Variants in PTPRQ observed in about 807,000 individuals in gnomAD.
PTPRQ encodes the protein phosphatidylinositol phosphatase PTPRQ.
Under a neutral mutation model 246.0 loss-of-function variants are expected in PTPRQ, and 199 were observed. The ratio of observed to expected loss-of-function variants is 0.81; its 90% CI spans 0.72 to 0.91. The LOEUF (loss-of-function observed/expected upper bound fraction) is 0.91. PTPRQ is among the 40% of genes least tolerant of loss of function. PTPRQ has a pLI of 0.00. For synonymous variants in PTPRQ, 869 were observed against 853.2 expected, an observed-to-expected ratio of 1.02 and a Z score of -0.32; for missense variants, 2,624 against 2,528.4, an observed-to-expected ratio of 1.04 and a Z score of -0.81.
intron 27 of PTPRQ, among the ~76,000 whole-genome samples, chr12:80,609,147 C>G (rs1368826962): frequency 1.3e-5 from 2 of 148,992 alleles, no homozygotes; most frequent in African/African-American, 4.9e-5. Flanking sequence ...TCTTTTTTTT[C>G]TTTTTTTATA....
chr12:80,463,331 G>T (rs1893268853), intron 6 of PTPRQ, among the ~76,000 whole-genome samples: 1 of 152,154 alleles, frequency 6.6e-6, no homozygotes, highest in Non-Finnish European at 1.5e-5. Flanking sequence ...AGAATAAAAA[G>T]AAATGAACAA....
intron 14 of PTPRQ, among the ~76,000 whole-genome samples, chr12:80,502,918 T>C (rs1894846410): frequency 6.6e-6 from 1 of 151,764 alleles, no homozygotes; most frequent in Non-Finnish European, 1.5e-5. Context: ...TGCATGGAAG[T>C]TGGCCTCTCT....
chr12:80,638,615 T>G (rs896379380), intron 35 of PTPRQ, among the ~76,000 whole-genome samples: 3 of 152,222 alleles, frequency 2.0e-5, no homozygotes, highest in Non-Finnish European at 2.9e-5. Flanking sequence ...AAACCCATTC[T>G]GTAATTTTTG....
chr12:80,657,992 TAAC>T lies in PTPRQ; in HGVS notation c.6125_6127del (p.Asn2042del). The stretch of plus-strand genomic sequence containing the variant: ...CCTTATATTTTCTTCTAGATAATAA[TAAC>T]AGAGTAAAGCTGATAGCTGACGCTA... On this transcript the variant is annotated inframe_deletion, in exon 39 of 45. Coordinates refer to ENST00000644991, the MANE Select transcript of PTPRQ (RefSeq NM_001145026.2). The T allele has an allele frequency of 7.0e-7, 1 of 1,422,820 alleles. No individual in the cohort carries two copies. The highest frequency in any genetic ancestry group is 2.8e-5 in the East Asian group (1 of 35,364). The allele number at this position is 1,422,820 out of a possible 1,614,324, so 88.1% of individuals were successfully genotyped here. A position where few individuals can be genotyped will look rare whatever the true frequency, so the allele number is the denominator to read the frequency against.
At chr12:80,635,968 A>T (rs565201059) in intron 35 of PTPRQ, among the ~76,000 whole-genome samples, 1 of 152,318 alleles carries the variant, frequency 6.6e-6, no homozygotes, top group South Asian at 2.1e-4. Context: ...TGTAGTTGTC[A>T]CTTGTTAAAG....
chr12:80,530,098 C>T (rs1895800027), intron 17 of PTPRQ, among the ~76,000 whole-genome samples: 1 of 152,082 alleles, frequency 6.6e-6, no homozygotes, highest in Non-Finnish European at 1.5e-5. Context: ...CTTCTTCTCC[C>T]ACCTCCCTCA....
At chr12:80,549,988 A>G (rs1336582355) in intron 25 of PTPRQ, among the ~76,000 whole-genome samples, 2 of 152,130 alleles carry the variant, frequency 1.3e-5, no homozygotes, top group Non-Finnish European at 2.9e-5. Flanking sequence ...CCACAAATAT[A>G]AAACCCCCAC....
chr12:80,547,232 T>G (rs1896333717), intron 24 of PTPRQ: 1 of 153,180 alleles, frequency 6.5e-6, no homozygotes, highest in African/African-American at 2.4e-5. Context: ...GTGTCACACA[T>G]GTAGTATACA....
Position 80,632,276 on chromosome 12 carries a change from T to C in PTPRQ, c.5771T>C (p.Ile1924Thr). ...ILSIILLGTAIFAFARIRQKQ... is the reference protein window; with the variant it reads ...ILSIILLGTATFAFARIRQKQ... ...TCAATAATTCTCCTTGGAACAGCTA[T>C]TTTTGCATTTGCAAGGTAAGATTTA... The change falls in exon 34 of 45, where the codon ATT becomes ACT. Residue 1924 changes from isoleucine to threonine, a missense_variant. By Grantham distance (89) the Ile-to-Thr change is moderately conservative. Transcript: ENST00000644991. 1 of 1,551,300 alleles carries C rather than the reference T, an allele frequency of 6.4e-7. No homozygotes were observed. Among genetic ancestry groups the C allele is most frequent in the Non-Finnish European group, 8.7e-7 (1 of 1,146,816 alleles).
intron 26 of PTPRQ, among the ~76,000 whole-genome samples, 193 bp from the exon 27 acceptor site, chr12:80,604,866 A>G (rs1159896901): frequency 6.6e-6 from 1 of 151,554 alleles, no homozygotes; most frequent in East Asian, 1.9e-4. Context: ...GAAGTTGTTC[A>G]TCTAGAGTAA....
At chr12:80,454,814 A>G (rs370835453) in intron 3 of PTPRQ, among the ~76,000 whole-genome samples, 3 of 152,250 alleles carry the variant, frequency 2.0e-5, no homozygotes, top group South Asian at 4.1e-4. Flanking sequence ...AAAAACTTAT[A>G]AAGGCGAAAT....
At chr12:80,522,568 G>A (rs555969278) in intron 17 of PTPRQ, among the ~76,000 whole-genome samples, 10 of 152,152 alleles carry the variant, frequency 6.6e-5, no homozygotes, top group East Asian at 3.9e-4. Context: ...AGTTTTTAAC[G>A]TGAAGGGCTG....
chr12:80,641,884 GCT>G (rs894544128), intron 35 of PTPRQ, among the ~76,000 whole-genome samples: 1 of 139,094 alleles, frequency 7.2e-6, no homozygotes, highest in Non-Finnish European at 1.6e-5. Flanking sequence ...TCTCTCTCTT[GCT>G]CTCTCTCTCT....
chr12:80,607,536 C>T (rs1453851983), intron 27 of PTPRQ, among the ~76,000 whole-genome samples: 1 of 141,184 alleles, frequency 7.1e-6, no homozygotes, highest in Non-Finnish European at 1.6e-5. Flanking sequence ...TTCCAATGTA[C>T]CAGAACTGTG....
intron 35 of PTPRQ, among the ~76,000 whole-genome samples, chr12:80,646,281 A>G (rs1166899233): frequency 6.6e-6 from 1 of 152,214 alleles, no homozygotes; most frequent in African/African-American, 2.4e-5. Flanking sequence ...CAAACTAGGA[A>G]ACTGAGGCAC....
chr12:80,677,351 T>C (rs181748043), intron 43 of PTPRQ, among the ~76,000 whole-genome samples: 111 of 152,330 alleles, frequency 7.3e-4, no homozygotes, highest in Non-Finnish European at 1.4e-3. Flanking sequence ...TTTATTGCTT[T>C]ATAACAACAC....
chr12:80,529,269 C>T (rs1895778186), intron 17 of PTPRQ, among the ~76,000 whole-genome samples: 1 of 152,108 alleles, frequency 6.6e-6, no homozygotes, highest in African/African-American at 2.4e-5. Context: ...TGTTCACATT[C>T]TTCATTTTGG....
At position 80,495,064 on chromosome 12, in the gene PTPRQ, ACAGTTCTCAG is replaced by A. The variant is rs1894570068; in HGVS notation, c.1673_1682del (p.Thr558MetfsTer15). On this transcript the variant is annotated frameshift_variant, in exon 11 of 45. Transcript: ENST00000644991. LOFTEE classifies it high-confidence loss of function. ...CACCATCATGGGAGAAGGACCACCAACAGTTCTCAGTGTTAGGACACGTCAGCAAGGTAAG... is the reference window on the plus strand; with the variant it reads ...CACCATCATGGGAGAAGGACCACCAATGTTAGGACACGTCAGCAAGGTAAG... 13 of 1,550,408 alleles carry A rather than the reference ACAGTTCTCAG, an allele frequency of 8.4e-6. No individual in the cohort carries two copies. The highest frequency in any genetic ancestry group is 7.9e-6 in the Non-Finnish European group (9 of 1,146,242).
intron 17 of PTPRQ, among the ~76,000 whole-genome samples, chr12:80,517,917 T>C (rs1210813589): frequency 6.6e-6 from 1 of 152,214 alleles, no homozygotes; most frequent in Non-Finnish European, 1.5e-5. Flanking sequence ...AAATCTTGGC[T>C]ATTGTGAAGA....
Sources: allele counts gnomAD v4.1 joint callset (sites outside exome capture counted in the v4.1 genomes callset), GRCh38; gene constraint gnomAD v4.1.1; transcripts MANE v1.5; gene names NCBI Gene and HGNC (gene_info 2026-07-23, HGNC 2026-07-21).